Variants in FANCI observed in about 807,000 individuals in gnomAD.
The protein encoded by FANCI is Fanconi anemia group I protein.
Under a neutral mutation model 176.1 loss-of-function variants are expected in FANCI, and 156 were observed. The observed-to-expected ratio is 0.89, with a 90% CI of 0.78 to 1.01. FANCI has a LOEUF of 1.01. Ranked by LOEUF, FANCI falls within the 50% of genes least tolerant of loss-of-function variation. FANCI has a pLI of 0.00. For synonymous variants in FANCI, 613 were observed against 541.7 expected (o/e 1.13, Z -1.83); for missense variants, 1,678 against 1,534.1 (o/e 1.09, Z -1.57).
At chr15:89,267,352 G>T (rs1279804464) in intron 9 of FANCI, among the ~76,000 whole-genome samples, 23 of 146,078 alleles carry the variant, frequency 1.6e-4, no homozygotes, top group Middle Eastern at 3.5e-3. Context: ...TTTTTTTTGA[G>T]AAGAGGCCAG....
At position 89,268,425 on chromosome 15, in the gene FANCI, C is replaced by T. The variant is rs1465252834; in HGVS notation, c.782C>T (p.Ser261Leu). ...DELLDVVTVPSGELRHVEGTI... is the reference protein window; with the variant it reads ...DELLDVVTVPLGELRHVEGTI... ...CTATTGGATGTTGTCACTGTGCCAT[C>T]AGGTGAACTTCGTCATGTGGAAGGC... The change falls in exon 10 of 38, where the codon TCA becomes TTA. Residue 261 changes from serine to leucine, a missense_variant. Physicochemically the swap from Ser to Leu is moderately radical, Grantham distance 145. This residue lies in a region of FANCI where 469 missense variants were observed against 436.9 expected (regional missense o/e 1.07). Transcript: ENST00000310775. 4.3e-6 allele frequency: 7 copies of T among 1,614,202 alleles called. No individual in the cohort carries two copies. Among genetic ancestry groups the T allele is most frequent in the Non-Finnish European group, 5.9e-6 (7 of 1,180,030 alleles).
At chr15:89,267,020 TGAA>T (rs140884673) in intron 9 of FANCI, among the ~76,000 whole-genome samples, 6,545 of 151,988 alleles carry the variant, frequency 0.043, 432 homozygotes, top group African/African-American at 0.15. Context: ...AGGGAAAGCA[TGAA>T]GAAAAACCTA....
intron 24 of FANCI, 38 bp from the exon 25 acceptor site, chr15:89,299,762 C>G (rs1392524898): frequency 3.1e-6 from 5 of 1,602,248 alleles, no homozygotes; most frequent in Non-Finnish European, 4.3e-6. Context: ...TCTCGGTGAA[C>G]CTGTCTTTAA....
chr15:89,297,737 C>A (rs980212866), intron 24 of FANCI, among the ~76,000 whole-genome samples: 1 of 103,576 alleles, frequency 9.7e-6, no homozygotes, highest in Non-Finnish European at 1.8e-5. Context: ...AGAGGGAGAC[C>A]GTGGAAAGAG....
chr15:89,285,006 G>GT, intron 17 of FANCI, 90 bp from the exon 18 acceptor site: 1 of 1,578,778 alleles, frequency 6.3e-7, no homozygotes, highest in South Asian at 1.1e-5. Flanking sequence ...AGGAAGCTAA[G>GT]TTTTTTCGAC....
Position 89,301,347 on chromosome 15 carries a change from A to C in FANCI, c.2911A>C (p.Ser971Arg). 1.2e-6 allele frequency: 2 copies of C among 1,613,810 alleles called. No individual in the cohort carries two copies. Among genetic ancestry groups the C allele is most frequent in the Non-Finnish European group, 1.7e-6 (2 of 1,179,746 alleles). ...QFQRSLLNLL[S>R]SQEEDFNSKE... ...TCAGAGGTCCTTGTTGAATTTACTTAGCAGTCAAGAGGAAGATTTTAATAG... is the reference window on the plus strand; with the variant it reads ...TCAGAGGTCCTTGTTGAATTTACTTCGCAGTCAAGAGGAAGATTTTAATAG... The change falls in exon 27 of 38, where the codon AGC becomes CGC. Residue 971 changes from serine to arginine, a missense_variant. Around this residue, in one of 3 missense-constraint regions of FANCI, gnomAD observed 1,204 missense variants for 1,077.4 expected, o/e 1.12. Transcript: ENST00000310775.
chr15:89,266,094 T>C (rs1398662985), intron 9 of FANCI, among the ~76,000 whole-genome samples: 1 of 150,054 alleles, frequency 6.7e-6, no homozygotes, highest in African/African-American at 2.4e-5. Context: ...ATTCCTGGGC[T>C]CAAGTGACCC....
In FANCI at chr15:89,306,034, C is replaced by A. The variant is rs78234788; in HGVS notation, c.3377C>A (p.Pro1126Gln). ...SEEASSQATL[P>Q]NQPVEKAIIM... is the part of the protein sequence containing the mutation. ...GAGGCCTCTTCTCAGGCAACCCTAC[C>A]AAATCAGCCTGTTGAGAAAGCTATC... Residue 1126 changes from proline (P) to glutamine (Q), a missense_variant, in exon 32 of 38, where the codon CCA becomes CAA. Physicochemically the swap from Pro to Gln is moderately conservative, Grantham distance 76. Around this residue, in one of 3 missense-constraint regions of FANCI, gnomAD observed 1,204 missense variants for 1,077.4 expected, o/e 1.12. Coordinates refer to ENST00000310775, the MANE Select transcript of FANCI (RefSeq NM_001113378.2). 1 of 1,614,120 alleles carries A rather than the reference C, an allele frequency of 6.2e-7. No individual in the cohort carries two copies. The highest frequency in any genetic ancestry group is 8.5e-7 in the Non-Finnish European group (1 of 1,180,014).
In FANCI at chr15:89,273,431, C is replaced by T. The variant is rs1372561523; in HGVS notation, c.937C>T (p.Leu313Phe). 3.8e-6 allele frequency: 6 copies of T among 1,599,090 alleles called. No homozygotes were observed. The highest frequency in any genetic ancestry group is 5.1e-6 in the Non-Finnish European group (6 of 1,173,534). Residue 313 changes from leucine (L) to phenylalanine (F), a missense_variant, in exon 11 of 38, where the codon CTT becomes TTT. Physicochemically the swap from Leu to Phe is conservative, Grantham distance 22 (BLOSUM62 0). Transcript: ENST00000310775. ...NNLSPFSIALLLSVTRIQRFQ... is the reference protein window; with the variant it reads ...NNLSPFSIALFLSVTRIQRFQ... ...CTTAAGTCCCTTCAGCATTGCTCTT[C>T]TTCTGTCTGTAACAAGAATACAAAG...
intron 34 of FANCI, among the ~76,000 whole-genome samples, chr15:89,308,476 A>G (rs1250807690): frequency 6.6e-6 from 1 of 152,208 alleles, no homozygotes; most frequent in African/African-American, 2.4e-5. Flanking sequence ...TGGGTCCACT[A>G]AGTGTCAATC....
chr15:89,287,519 T>C (rs1157479847), intron 18 of FANCI, among the ~76,000 whole-genome samples: 1 of 151,968 alleles, frequency 6.6e-6, no homozygotes, highest in Non-Finnish European at 1.5e-5. Flanking sequence ...ATCATTCATA[T>C]GTTCACTGGA....
intron 31 of FANCI, 150 bp downstream of exon 31, chr15:89,305,848 T>C: frequency 9.2e-7 from 1 of 1,087,992 alleles, no homozygotes; most frequent in South Asian, 1.3e-5. Context: ...AAGTAGAAGA[T>C]CATATGTCTT....
intron 1 of FANCI, among the ~76,000 whole-genome samples, chr15:89,246,450 G>A (rs1252743640): frequency 1.3e-5 from 2 of 152,148 alleles, no homozygotes; most frequent in Non-Finnish European, 2.9e-5. Flanking sequence ...TTACGAAATA[G>A]AATCTAAATT....
intron 23 of FANCI, 129 bp from the exon 24 acceptor site, chr15:89,294,786 C>A: frequency 1.1e-6 from 1 of 882,750 alleles, no homozygotes. Flanking sequence ...GAGAGTCTGC[C>A]AGTCGGAACT....
chr15:89,317,134 T>C (rs189937835), downstream of FANCI: 5 of 598,052 alleles, frequency 8.4e-6, no homozygotes, highest in East Asian at 1.4e-4. Flanking sequence ...TAAACATTTC[T>C]TCTGTGGTTG....
chr15:89,313,931 G>A lies in FANCI; in HGVS notation c.3721-681G>A, dbSNP rs9920333. Among the ~76,000 whole-genome samples, 712 of 123,628 alleles carry A rather than the reference G, an allele frequency of 5.8e-3. 7 individuals are homozygous for A. Among genetic ancestry groups the A allele is most frequent in the African/African-American group, 0.019 (634 of 32,922 alleles). 81.1% of individuals were successfully genotyped at this position (123,628 alleles called of 152,430 possible). On this transcript the variant is annotated intron_variant, in intron 35 of 37. Coordinates refer to ENST00000310775, the MANE Select transcript of FANCI (RefSeq NM_001113378.2). The stretch of plus-strand genomic sequence containing the variant: ...CACACACACACACACACACACGTAG[G>A]ACCTACAAATTACAATTCACGTTAG...
rs1366819897 is a variant in FANCI at position 89,307,727 on chromosome 15, G to GC, written c.3651+58dup. On this transcript the variant is annotated intron_variant, in intron 34 of 37. Transcript: ENST00000310775. The stretch of plus-strand genomic sequence containing the variant: ...GTCTTCAAGAAAGGATTTCTTACAT[G>GC]CCCAGGGGACTATTGATCACCTGAA... The GC allele has an allele frequency of 1.9e-6, 3 of 1,613,910 alleles. No individual in the cohort carries two copies. In the East Asian group the frequency reaches 6.7e-5, roughly 36 times the overall value.
Position 89,268,391 on chromosome 15 carries a change from T to C in FANCI, c.756-8T>C, listed in dbSNP as rs2053061720. On this transcript the variant is annotated splice_region_variant and splice_polypyrimidine_tract_variant and intron_variant, in intron 9 of 37. Coordinates refer to ENST00000310775, the MANE Select transcript of FANCI (RefSeq NM_001113378.2). ...TTATAGCTCATAACTTTCTGTTGAA[T>C]CTTTTAGGCTATTGGATGTTGTCAC... 6.2e-7 allele frequency: 1 copy of C among 1,614,146 alleles called. No homozygotes were observed.
chr15:89,260,835 A>G lies in FANCI; in HGVS notation c.280A>G (p.Met94Val), dbSNP rs939162148. The G allele has an allele frequency of 8.1e-6, 13 of 1,613,648 alleles. 1 individual carries two copies. In the African/African-American group the frequency reaches 1.5e-4, roughly 18 times the overall value. Residue 94 changes from methionine (M) to valine (V), a missense_variant, in exon 4 of 38, where the codon ATG (methionine) becomes GTG (valine). Coordinates refer to ENST00000310775, the MANE Select transcript of FANCI (RefSeq NM_001113378.2). ...AGCGTCTGAGATCATAGGATTACTG[A>G]TGCTGGAGGTAAGATGGCAAACAAA... ...EIASEIIGLL[M>V]LEAHHFPGPL...
Sources: gnomAD v4.1 joint callset for allele counts (sites outside exome capture counted in the v4.1 genomes callset) on GRCh38, gnomAD v4.1.1 for gene constraint, gnomAD v4.1.1 regional missense constraint, MANE v1.5 for transcripts, NCBI Gene and HGNC (gene_info 2026-07-23, HGNC 2026-07-21) for gene names.